CDH12: variants seen among roughly 807,000 people sequenced by gnomAD.
CDH12 encodes the protein cadherin 12, also known as cadherin-12.
Under a neutral mutation model 74.1 loss-of-function variants are expected in CDH12, and 41 were observed. The observed-to-expected ratio is 0.55, with a 90% CI of 0.43 to 0.72. CDH12 has a LOEUF of 0.72. Among genes scored for constraint, CDH12 ranks in the 30% least tolerant of loss-of-function variants. The pLI, the probability that CDH12 is intolerant of heterozygous loss-of-function variation, is 0.00. For missense variants in CDH12, 945 were observed against 977.2 expected, an observed-to-expected ratio of 0.97 and a Z score of 0.44; for synonymous variants, 399 against 355.0, an observed-to-expected ratio of 1.12 and a Z score of -1.39.
At chr5:21,862,401 TA>T (rs1714504316) in intron 6 of CDH12, among the ~76,000 whole-genome samples, 1 of 152,138 alleles carries the variant, frequency 6.6e-6, no homozygotes, top group South Asian at 2.1e-4. Context: ...CCAGTGATGT[TA>T]AAATCATTCT....
intron 9 of CDH12, among the ~76,000 whole-genome samples, chr5:21,806,933 T>C (rs1461501196): frequency 6.6e-6 from 1 of 152,166 alleles, no homozygotes; most frequent in African/African-American, 2.4e-5. Context: ...GCCAAAACCA[T>C]GTTTGCAAAA....
intron 3 of CDH12, among the ~76,000 whole-genome samples, chr5:22,355,989 T>C (rs921428121): frequency 2.6e-5 from 4 of 152,214 alleles, no homozygotes; most frequent in African/African-American, 9.6e-5. Flanking sequence ...GAGAATGATG[T>C]GTTAAGTAAG....
intron 4 of CDH12, among the ~76,000 whole-genome samples, chr5:22,182,124 T>C (rs1206376364): frequency 1.3e-5 from 2 of 152,136 alleles, no homozygotes; most frequent in Non-Finnish European, 2.9e-5. Flanking sequence ...ACCTGAACAA[T>C]TAGTCACATT....
intron 4 of CDH12, among the ~76,000 whole-genome samples, chr5:22,206,896 T>A (rs1751252534): frequency 1.3e-5 from 2 of 151,108 alleles, no homozygotes; most frequent in Admixed American, 1.3e-4. Context: ...GACATTTAGA[T>A]AGTTATCTTC....
chr5:22,230,473 ATT>A (rs35066570), intron 3 of CDH12, among the ~76,000 whole-genome samples: 2,107 of 133,572 alleles, frequency 0.016, 38 homozygotes, highest in African/African-American at 0.04. Flanking sequence ...AGATGTCATA[ATT>A]TTTTTTTTTT....
intron 1 of CDH12, among the ~76,000 whole-genome samples, chr5:22,533,828 T>C (rs1237986642): frequency 6.6e-6 from 1 of 152,144 alleles, no homozygotes; most frequent in Non-Finnish European, 1.5e-5. Context: ...AGTTTTTAGG[T>C]GATTGTTTAG....
At chr5:22,826,423 A>C (rs1470366022) in intron 1 of CDH12, among the ~76,000 whole-genome samples, 1 of 152,180 alleles carries the variant, frequency 6.6e-6, no homozygotes, top group African/African-American at 2.4e-5. Flanking sequence ...AAATACAGTA[A>C]ATTGGTACCA....
intron 3 of CDH12, among the ~76,000 whole-genome samples, chr5:22,319,067 G>T (rs1411886409): frequency 2.6e-5 from 4 of 152,118 alleles, no homozygotes. Flanking sequence ...TCATATCACA[G>T]CCAATCTGTG....
At chr5:22,492,981 C>T (rs948177715) in intron 2 of CDH12, among the ~76,000 whole-genome samples, 11 of 152,196 alleles carry the variant, frequency 7.2e-5, no homozygotes, top group Non-Finnish European at 1.3e-4. Context: ...GATATCATAT[C>T]CTTTCTCAAT....
intron 8 of CDH12, among the ~76,000 whole-genome samples, chr5:21,840,518 A>G (rs1749780028): frequency 6.6e-6 from 1 of 151,928 alleles, no homozygotes; most frequent in Admixed American, 6.6e-5. Flanking sequence ...TAAAGTTCAT[A>G]TGGAACCAAA....
intron 3 of CDH12, among the ~76,000 whole-genome samples, chr5:22,290,890 G>GAGTT (rs1294186602): frequency 6.6e-6 from 1 of 152,066 alleles, no homozygotes; most frequent in Admixed American, 6.5e-5. Context: ...AAAAGCCCAG[G>GAGTT]AGTTGATGTC....
chr5:22,834,285 G>C (rs1043883428), intron 1 of CDH12, among the ~76,000 whole-genome samples: 72 of 151,928 alleles, frequency 4.7e-4, no homozygotes, highest in African/African-American at 1.6e-3. Context: ...GAGCACAGTG[G>C]GAAAATAAAA....
intron 5 of CDH12, among the ~76,000 whole-genome samples, chr5:22,034,798 T>C (rs1290277100): frequency 6.6e-6 from 1 of 152,176 alleles, no homozygotes; most frequent in African/African-American, 2.4e-5. Context: ...TAAAGACAAA[T>C]TATTAAAACT....
chr5:22,598,130 ATGT>A (rs1477300892), intron 1 of CDH12, among the ~76,000 whole-genome samples: 8 of 152,190 alleles, frequency 5.3e-5, no homozygotes, highest in Middle Eastern at 3.2e-3. Flanking sequence ...TGCTCAGATG[ATGT>A]AATGCTGAAG....
intron 3 of CDH12, among the ~76,000 whole-genome samples, chr5:22,227,399 A>C (rs985708851): frequency 2.0e-5 from 3 of 152,156 alleles, no homozygotes; most frequent in African/African-American, 7.2e-5. Context: ...TTTAAGATAG[A>C]AACATGTCAA....
At chr5:22,606,663 T>C (rs1208137807) in intron 1 of CDH12, among the ~76,000 whole-genome samples, 1 of 152,290 alleles carries the variant, frequency 6.6e-6, no homozygotes, top group East Asian at 1.9e-4. Flanking sequence ...CTCTTTCCTT[T>C]ATAAATTACC....
intron 4 of CDH12, among the ~76,000 whole-genome samples, chr5:22,141,712 T>C (rs1746808300): frequency 6.6e-6 from 1 of 152,110 alleles, no homozygotes; most frequent in South Asian, 2.1e-4. Flanking sequence ...TGAAAAATAT[T>C]TTGGAGTTAA....
In CDH12 at chr5:22,788,538, T is replaced by C. The variant is rs189079799; in HGVS notation, c.-523+64520A>G. 9.4e-4 allele frequency among the ~76,000 whole-genome samples: 140 copies of C among 148,632 alleles called. 3 individuals are homozygous for C. In the East Asian group the frequency reaches 0.025, roughly 26 times the overall value. Reference sequence around the variant, plus strand: ...TATAATATAAAAATTTATCATAATATATAAATATATGTGGCATTTCAAGTA... The same window carrying C: ...TATAATATAAAAATTTATCATAATACATAAATATATGTGGCATTTCAAGTA... On this transcript the variant is annotated intron_variant, in intron 1 of 14. Transcript: ENST00000382254.
chr5:22,310,678 T>G (rs1456809921), intron 3 of CDH12, among the ~76,000 whole-genome samples: 1 of 152,150 alleles, frequency 6.6e-6, no homozygotes, highest in African/African-American at 2.4e-5. Flanking sequence ...ATGACCACCT[T>G]GAGAGCACAT....
Sources: gnomAD v4.1 joint callset for allele counts (sites outside exome capture counted in the v4.1 genomes callset) on GRCh38, gnomAD v4.1.1 for gene constraint, MANE v1.5 for transcripts, NCBI Gene and HGNC (gene_info 2026-07-23, HGNC 2026-07-21) for gene names.